SGTB: variants seen among roughly 807,000 people sequenced by gnomAD.
SGTB encodes small glutamine rich tetratricopeptide repeat co-chaperone beta.
SGTB carries 19 observed loss-of-function variants against 43.9 expected under a neutral mutation model. That is an observed-to-expected ratio of 0.43 (90% CI 0.30 to 0.63). SGTB has a LOEUF of 0.63. SGTB is among the 30% of genes least tolerant of loss of function. SGTB has a pLI of 0.12. For missense variants in SGTB, 304 were observed against 358.9 expected (o/e 0.85, Z 1.24); for synonymous variants, 116 against 117.3 (o/e 0.99, Z 0.07).
intron 8 of SGTB, among the ~76,000 whole-genome samples, chr5:65,675,845 C>T (rs1410244871): frequency 6.6e-6 from 1 of 152,098 alleles, no homozygotes; most frequent in Non-Finnish European, 1.5e-5. Context: ...GAAGGAAGCA[C>T]TAAATATGGA....
Position 65,679,448 on chromosome 5 carries a change from C to T in SGTB, c.681+1046G>A, listed in dbSNP as rs574673491. Among the ~76,000 whole-genome samples, 11 of 152,194 alleles carry T rather than the reference C, an allele frequency of 7.2e-5. No homozygotes were observed. The East Asian group carries it at 1.9e-3, about 27-fold the overall frequency. ...CCTGGTCAGCATGGTGAAACCCCAT[C>T]TCTACTGACAATACAATAATTAGCC... is the stretch of plus-strand genomic sequence containing the variant. On this transcript the variant is annotated intron_variant, in intron 8 of 10. Coordinates refer to ENST00000381007, the MANE Select transcript of SGTB (RefSeq NM_019072.3).
chr5:65,713,593 T>A (rs563950777), intron 2 of SGTB, among the ~76,000 whole-genome samples: 1 of 152,276 alleles, frequency 6.6e-6, no homozygotes, highest in African/African-American at 2.4e-5. Context: ...GCTGGGATTA[T>A]AGGCATGAGC....
intron 5 of SGTB, among the ~76,000 whole-genome samples, chr5:65,693,003 T>G (rs1229591293): frequency 2.0e-5 from 3 of 152,006 alleles, no homozygotes; most frequent in Non-Finnish European, 4.4e-5. Flanking sequence ...GTCAGGAGTT[T>G]GAGAAAGCCT....
At chr5:65,715,165 C>T (rs768000479) in intron 2 of SGTB, among the ~76,000 whole-genome samples, 4 of 152,184 alleles carry the variant, frequency 2.6e-5, no homozygotes, top group Admixed American at 6.5e-5. Flanking sequence ...TCAAGATTCT[C>T]ATTTATCAAA....
intron 2 of SGTB, 142 bp from the exon 3 acceptor site, chr5:65,713,206 G>T: frequency 3.4e-6 from 2 of 596,054 alleles, no homozygotes; most frequent in Middle Eastern, 3.4e-4. Flanking sequence ...CAGCTGCAAA[G>T]AAATTTCTGT....
chr5:65,688,558 C>A (rs1394452318), intron 5 of SGTB, among the ~76,000 whole-genome samples: 1 of 152,122 alleles, frequency 6.6e-6, no homozygotes, highest in African/African-American at 2.4e-5. Flanking sequence ...GAAAAAACAA[C>A]AAATCTGTTC....
rs1486566357 is a variant in SGTB at position 65,669,593 on chromosome 5, A to T, written c.*653T>A. On this transcript the variant is annotated 3_prime_UTR_variant, in exon 11 of 11. Transcript: ENST00000381007. ...CCTGAGCATCCTACCTTTACTTTCT[A>T]TACATTCGCATTACCAATTTTTTCT... is the stretch of plus-strand genomic sequence containing the variant. 1 of 152,410 alleles carries T rather than the reference A, an allele frequency of 6.6e-6. No individual in the cohort carries two copies. Among genetic ancestry groups the T allele is most frequent in the East Asian group, 1.9e-4 (1 of 5,202 alleles). The allele number at this position is 152,410 out of a possible 1,614,324, so 9.4% of individuals were successfully genotyped here.
chr5:65,712,920 T>C, intron 3 of SGTB, 41 bp downstream of exon 3: 1 of 1,470,566 alleles, frequency 6.8e-7, no homozygotes, highest in Non-Finnish European at 9.4e-7. Context: ...CATAAAATTG[T>C]AGTCATATCA....
At chr5:65,696,588 G>C (rs904310759) in intron 5 of SGTB, among the ~76,000 whole-genome samples, 3 of 152,128 alleles carry the variant, frequency 2.0e-5, no homozygotes, top group Admixed American at 2.0e-4. Flanking sequence ...AGGTGCTATA[G>C]GGGATACAAA....
intron 10 of SGTB, among the ~76,000 whole-genome samples, chr5:65,671,002 C>G (rs1476922900): frequency 6.6e-6 from 1 of 152,092 alleles, no homozygotes; most frequent in Non-Finnish European, 1.5e-5. Context: ...GCAATGTGCT[C>G]AAGTAATGAG....
intron 5 of SGTB, among the ~76,000 whole-genome samples, chr5:65,703,019 C>T (rs1450445885): frequency 1.3e-5 from 2 of 152,116 alleles, no homozygotes; most frequent in African/African-American, 4.8e-5. Flanking sequence ...TTTGCATCAA[C>T]AATTTTAAAA....
intron 5 of SGTB, among the ~76,000 whole-genome samples, chr5:65,699,420 T>C (rs1353045345): frequency 6.6e-6 from 1 of 152,214 alleles, no homozygotes; most frequent in African/African-American, 2.4e-5. Context: ...GATAAAAAAC[T>C]ACATGTTGGG....
chr5:65,698,100 G>A (rs1443062114), intron 5 of SGTB, among the ~76,000 whole-genome samples: 1 of 152,148 alleles, frequency 6.6e-6, no homozygotes, highest in Non-Finnish European at 1.5e-5. Context: ...TCTGATGGTA[G>A]CTGGGATTAC....
At chr5:65,699,636 T>G (rs1294831410) in intron 5 of SGTB, among the ~76,000 whole-genome samples, 1 of 152,232 alleles carries the variant, frequency 6.6e-6, no homozygotes, top group Non-Finnish European at 1.5e-5. Flanking sequence ...TGGTTTTTGT[T>G]TTTGCTTTTT....
intron 8 of SGTB, among the ~76,000 whole-genome samples, chr5:65,679,614 T>C (rs934571360): frequency 1.3e-5 from 2 of 151,918 alleles, no homozygotes; most frequent in African/African-American, 4.8e-5. Flanking sequence ...TGAAACTCTG[T>C]CTCAAAAAAC....
Position 65,720,744 on chromosome 5 carries a change from C to G in SGTB, c.64G>C (p.Asp22His). 1 of 1,613,968 alleles carries G rather than the reference C, an allele frequency of 6.2e-7. No homozygotes were observed. Among genetic ancestry groups the G allele is most frequent in the Non-Finnish European group, 8.5e-7 (1 of 1,179,954 alleles). Residue 22 changes from aspartate to histidine, a missense_variant, in exon 2 of 11, where the codon GAC becomes CAC. By Grantham distance (81) the Asp-to-His change is moderately conservative. Coordinates refer to ENST00000381007, the MANE Select transcript of SGTB (RefSeq NM_019072.3). ...TCTTGTTCATCCGAGGTGTAAGTGT[C>G]CATCTGACTTTGTTCCCGTAAGAAA... ...IRFLREQSQM[D>H]TYTSDEQESL...
chr5:65,715,293 T>C (rs924982967), intron 2 of SGTB, among the ~76,000 whole-genome samples: 3 of 152,216 alleles, frequency 2.0e-5, no homozygotes, highest in Admixed American at 6.5e-5. Context: ...TATATACTTA[T>C]TGTTTCACTG....
At chr5:65,709,763 G>C (rs946996374) in intron 3 of SGTB, among the ~76,000 whole-genome samples, 8 of 151,930 alleles carry the variant, frequency 5.3e-5, no homozygotes, top group African/African-American at 1.9e-4. Context: ...ACCACACCTG[G>C]GTAATTTTTT....
intron 6 of SGTB, among the ~76,000 whole-genome samples, chr5:65,683,958 AG>A (rs1757449225): frequency 6.6e-6 from 1 of 151,940 alleles, no homozygotes; most frequent in East Asian, 1.9e-4. Context: ...AAAAAAAAAA[AG>A]AAAAAAAGAG....
Sources: gnomAD v4.1 joint callset for allele counts (sites outside exome capture counted in the v4.1 genomes callset) on GRCh38, gnomAD v4.1.1 for gene constraint, MANE v1.5 for transcripts, NCBI Gene and HGNC (gene_info 2026-07-23, HGNC 2026-07-21) for gene names.